The following IREB2 variants were observed in gnomAD, a reference collection of about 807,000 sequenced individuals.
The protein encoded by IREB2 is iron responsive element binding protein 2.
Under a neutral mutation model 118.8 loss-of-function variants are expected in IREB2, and 39 were observed. That is an observed-to-expected ratio of 0.33 (90% CI 0.25 to 0.43). The LOEUF is 0.43. IREB2 is among the 20% of genes least tolerant of loss of function. The pLI, the probability that IREB2 is intolerant of heterozygous loss-of-function variation, is 1.00. For synonymous variants in IREB2, 372 were observed against 392.2 expected, an observed-to-expected ratio of 0.95 and a Z score of 0.61; for missense variants, 900 against 1,147.3, an observed-to-expected ratio of 0.78 and a Z score of 3.11.
rs753412457 is a variant in IREB2, at chr15:78,490,404, C to T, written c.2077-18C>T. Reference sequence around the variant, plus strand: ...TTTTATCTTTGCTTTGGTTCATCAACGAAAACTGTATTCACAGATGGGGAA... The same window carrying T: ...TTTTATCTTTGCTTTGGTTCATCAATGAAAACTGTATTCACAGATGGGGAA... On this transcript the variant is annotated intron_variant, in intron 16 of 21. Transcript: ENST00000258886. 12 of 1,543,884 alleles carry T rather than the reference C, an allele frequency of 7.8e-6. No homozygotes were observed. Among genetic ancestry groups the T allele is most frequent in the South Asian group, 4.8e-5 (4 of 83,120 alleles).
At chr15:78,473,409 A>G in intron 8 of IREB2, 28 bp downstream of exon 8, 1 of 1,583,744 alleles carries the variant, frequency 6.3e-7, no homozygotes, top group Non-Finnish European at 8.6e-7. Flanking sequence ...TAGCTCTATG[A>G]CTTACTGAAC....
intron 8 of IREB2, chr15:78,475,112 C>T (rs1250437434): frequency 7.0e-6 from 1 of 143,708 alleles, no homozygotes. Flanking sequence ...CATCTTTACA[C>T]TTAGGGTTTG....
At chr15:78,488,414 T>C (rs1596012766) in intron 15 of IREB2, 78 bp downstream of exon 15, 3 of 1,217,828 alleles carry the variant, frequency 2.5e-6, no homozygotes, top group Middle Eastern at 2.0e-4. Flanking sequence ...AAATGTTTCT[T>C]AGACCATCTA....
At chr15:78,497,342 T>C in intron 21 of IREB2, 31 bp downstream of exon 21, 1 of 1,393,252 alleles carries the variant, frequency 7.2e-7, no homozygotes, top group Non-Finnish European at 1.0e-6. Flanking sequence ...TATATGATTA[T>C]GCACTCAAAT....
chr15:78,447,673 C>T (rs975753443), intron 2 of IREB2, among the ~76,000 whole-genome samples: 13 of 152,062 alleles, frequency 8.5e-5, no homozygotes, highest in Admixed American at 7.9e-4. Context: ...GTCTCCTGAA[C>T]TCCTGACCTC....
chr15:78,498,385 T>C lies in IREB2; in HGVS notation c.*242T>C. 1 of 163,150 alleles carries C rather than the reference T, an allele frequency of 6.1e-6. No homozygotes were observed. Among genetic ancestry groups the C allele is most frequent in the East Asian group, 1.0e-4 (1 of 9,632 alleles). The allele number at this position is 163,150 out of a possible 1,614,324, so 10.1% of individuals were successfully genotyped here. Reference sequence around the variant, plus strand: ...TGTGAAGTGTGTTGTGGAAGAGACCTGTAAGTATGGGGGGGGGGCGATATT... The same window carrying C: ...TGTGAAGTGTGTTGTGGAAGAGACCCGTAAGTATGGGGGGGGGGCGATATT... On this transcript the variant is annotated 3_prime_UTR_variant, in exon 22 of 22. Coordinates refer to ENST00000258886, the MANE Select transcript of IREB2 (RefSeq NM_004136.4).
At position 78,470,569 on chromosome 15, in the gene IREB2, G is replaced by T; in HGVS notation, c.667G>T (p.Gly223Cys). 6.3e-7 allele frequency: 1 copy of T among 1,592,720 alleles called. No individual in the cohort carries two copies. The highest frequency in any genetic ancestry group is 8.6e-7 in the Non-Finnish European group (1 of 1,165,694). ...TVLKNQEVEFGRNRERLQFFK... is the reference protein window; with the variant it reads ...TVLKNQEVEFCRNRERLQFFK... ...GTTAAAAAATCAAGAAGTAGAATTCGGCAGAAATCGAGAGAGGCTTCAGTT... is the reference window on the plus strand; with the variant it reads ...GTTAAAAAATCAAGAAGTAGAATTCTGCAGAAATCGAGAGAGGCTTCAGTT... Residue 223 changes from glycine to cysteine, a missense_variant, in exon 6 of 22, where the codon GGC (glycine) becomes TGC (cysteine). By Grantham distance (159) the Gly-to-Cys change is radical (BLOSUM62 -3). Coordinates refer to ENST00000258886, the MANE Select transcript of IREB2 (RefSeq NM_004136.4).
At chr15:78,485,009 A>T in intron 12 of IREB2, 89 bp downstream of exon 12, 1 of 1,180,570 alleles carries the variant, frequency 8.5e-7, no homozygotes, top group Non-Finnish European at 1.2e-6. Flanking sequence ...TAGATGATGC[A>T]TGAGTGTCTA....
At chr15:78,487,614 T>G (rs1406648661) in intron 13 of IREB2, 119 bp from the exon 14 acceptor site, 8 of 617,880 alleles carry the variant, frequency 1.3e-5, no homozygotes, top group East Asian at 1.2e-4. Flanking sequence ...GGTTAATCCA[T>G]GTGTCATGAA....
chr15:78,441,832 T>C (rs1212767694), intron 2 of IREB2, among the ~76,000 whole-genome samples: 2 of 152,238 alleles, frequency 1.3e-5, no homozygotes, highest in Admixed American at 1.3e-4. Context: ...CCTGTGACTA[T>C]AAATACTTTC....
chr15:78,456,069 C>T (rs1012762026), intron 2 of IREB2, among the ~76,000 whole-genome samples: 4 of 152,088 alleles, frequency 2.6e-5, no homozygotes, highest in African/African-American at 9.7e-5. Flanking sequence ...ACTTTTATAG[C>T]CTAGCTTTGG....
intron 20 of IREB2, 55 bp from the exon 21 acceptor site, chr15:78,497,071 T>A: frequency 7.0e-7 from 1 of 1,421,260 alleles, no homozygotes; most frequent in Non-Finnish European, 9.8e-7. Flanking sequence ...CTTTAAATGC[T>A]CAATAAATAA....
chr15:78,477,947 T>C (rs1026889156), intron 9 of IREB2, among the ~76,000 whole-genome samples: 1 of 149,870 alleles, frequency 6.7e-6, no homozygotes, highest in Non-Finnish European at 1.5e-5. Flanking sequence ...ATTGGCGGGG[T>C]GTGGTGGCTC....
At chr15:78,439,236 T>G (rs1461911984) in intron 1 of IREB2, among the ~76,000 whole-genome samples, 1 of 152,236 alleles carries the variant, frequency 6.6e-6, no homozygotes, top group African/African-American at 2.4e-5. Context: ...TCTGTTACTT[T>G]TATTTTCAGT....
intron 2 of IREB2, among the ~76,000 whole-genome samples, chr15:78,447,915 G>T (rs2050958825): frequency 6.6e-6 from 1 of 152,204 alleles, no homozygotes; most frequent in African/African-American, 2.4e-5. Flanking sequence ...ACTGTAAATT[G>T]GTTGTCTGTT....
chr15:78,488,314 A>G lies in IREB2; in HGVS notation c.1929A>G (p.Ile643Met). 1 of 1,601,458 alleles carries G rather than the reference A, an allele frequency of 6.2e-7. No homozygotes were observed. The change falls in exon 15 of 22, where the codon ATA becomes ATG. Residue 643 changes from isoleucine (I) to methionine (M), a missense_variant. Transcript: ENST00000258886. Reference sequence around the variant, plus strand: ...ATGCCATAGCAGGCACAGTGAATATAGATTTCCAGACAGAACCTTTAGGTA... The same window carrying G: ...ATGCCATAGCAGGCACAGTGAATATGGATTTCCAGACAGAACCTTTAGGTA... The part of the protein sequence containing the change: ...VAYAIAGTVN[I>M]DFQTEPLGTD...
At chr15:78,451,068 G>A (rs2051018351) in intron 2 of IREB2, among the ~76,000 whole-genome samples, 2 of 151,924 alleles carry the variant, frequency 1.3e-5, no homozygotes, top group Non-Finnish European at 2.9e-5. Context: ...AGGTTCAAGC[G>A]ATTCTCCTGC....
intron 3 of IREB2, among the ~76,000 whole-genome samples, chr15:78,464,949 A>G (rs1347212231): frequency 6.6e-6 from 1 of 152,310 alleles, no homozygotes; most frequent in East Asian, 1.9e-4. Flanking sequence ...GGGAAAGGGG[A>G]AGGTGCATCA....
At chr15:78,440,333 A>G (rs2050826060) in intron 2 of IREB2, among the ~76,000 whole-genome samples, 1 of 150,952 alleles carries the variant, frequency 6.6e-6, no homozygotes, top group Non-Finnish European at 1.5e-5. Context: ...ATAATTCTAC[A>G]CCAATTAAAT....
Sources: gnomAD v4.1 joint callset for allele counts (sites outside exome capture counted in the v4.1 genomes callset) on GRCh38, gnomAD v4.1.1 for gene constraint, MANE v1.5 for transcripts, NCBI Gene and HGNC (gene_info 2026-07-23, HGNC 2026-07-21) for gene names.